SKIC3: variants seen among roughly 807,000 people sequenced by gnomAD.
SKIC3 encodes the protein superkiller complex protein 3.
At chr5:95,504,017 C>T in the SKIC3 span, 1 of 1,496,894 alleles carries the variant, frequency 6.7e-7, no homozygotes, top group Non-Finnish European at 9.0e-7. Context: ...GATATAATTA[C>T]ACTAAGTTGG....
chr5:95,525,749 C>A, the SKIC3 span: 1 of 1,374,224 alleles, frequency 7.3e-7, no homozygotes, highest in East Asian at 2.3e-5. Context: ...AATTAACGAA[C>A]GAACACAGAA....
chr5:95,497,362 T>C, the SKIC3 span: 5 of 1,376,666 alleles, frequency 3.6e-6, no homozygotes, highest in Non-Finnish European at 5.1e-6. Context: ...TTATCATATT[T>C]ACCATATCAC....
the SKIC3 span, among the ~76,000 whole-genome samples, chr5:95,478,907 A>G: frequency 6.6e-6 from 1 of 152,140 alleles, no homozygotes; most frequent in Non-Finnish European, 1.5e-5. Context: ...AGCAAACACC[A>G]TACTTAGTAA....
the SKIC3 span, chr5:95,523,524 G>T: frequency 8.0e-7 from 1 of 1,252,918 alleles, no homozygotes; most frequent in Non-Finnish European, 1.1e-6. Flanking sequence ...CACTTACAGA[G>T]GCAAAAATAT....
the SKIC3 span, among the ~76,000 whole-genome samples, chr5:95,497,784 A>G: frequency 6.6e-6 from 1 of 152,216 alleles, no homozygotes; most frequent in Non-Finnish European, 1.5e-5. Context: ...AAAGAGATTA[A>G]AAATTATAGG....
the SKIC3 span, among the ~76,000 whole-genome samples, chr5:95,500,368 T>G: frequency 6.6e-6 from 1 of 152,320 alleles, no homozygotes; most frequent in East Asian, 1.9e-4. Context: ...ACAATGTCAT[T>G]ATGCTCTTCT....
chr5:95,528,447 G>C, the SKIC3 span, among the ~76,000 whole-genome samples: 1 of 152,064 alleles, frequency 6.6e-6, no homozygotes, highest in Non-Finnish European at 1.5e-5. Flanking sequence ...AACAATAAAG[G>C]TTAGCCCACA....
the SKIC3 span, chr5:95,543,261 G>T: frequency 4.3e-6 from 7 of 1,613,866 alleles, no homozygotes; most frequent in Non-Finnish European, 5.1e-6. Context: ...GGTTGTTCTA[G>T]TTCAGCTGCA....
At chr5:95,535,796 T>C in the SKIC3 span, among the ~76,000 whole-genome samples, 1 of 152,188 alleles carries the variant, frequency 6.6e-6, no homozygotes, top group Non-Finnish European at 1.5e-5. Context: ...GTGAGGGTCA[T>C]TCACATACAA....
chr5:95,517,273 C>T, the SKIC3 span: 1 of 1,613,274 alleles, frequency 6.2e-7, no homozygotes. Context: ...GTACAAGCAT[C>T]CCCAGCTAGC....
chr5:95,538,482 C>CATGAACAA, the SKIC3 span, among the ~76,000 whole-genome samples: 2 of 152,060 alleles, frequency 1.3e-5, no homozygotes, highest in South Asian at 4.1e-4. Flanking sequence ...CAAATGAACA[C>CATGAACAA]ATGAACAAAT....
At chr5:95,539,708 G>A in the SKIC3 span, among the ~76,000 whole-genome samples, 26 of 152,204 alleles carry the variant, frequency 1.7e-4, no homozygotes, top group Non-Finnish European at 3.7e-4. Context: ...GCCAGGCATC[G>A]TGGCACATGC....
At chr5:95,465,268 TTTTG>T in the SKIC3 span, among the ~76,000 whole-genome samples, 116 of 152,100 alleles carry the variant, frequency 7.6e-4, no homozygotes, top group Non-Finnish European at 1.3e-3. Context: ...AAATTAAAGG[TTTTG>T]TTTGTTGGCT....
the SKIC3 span, among the ~76,000 whole-genome samples, chr5:95,487,388 A>C: frequency 2.6e-5 from 4 of 152,252 alleles, no homozygotes; most frequent in South Asian, 8.3e-4. Context: ...AATCCATCTA[A>C]TAGAGGCACA....
chr5:95,478,756 C>A, the SKIC3 span, among the ~76,000 whole-genome samples: 1 of 151,874 alleles, frequency 6.6e-6, no homozygotes, highest in South Asian at 2.1e-4. Context: ...ACCACATTAA[C>A]AGAATAAAGA....
the SKIC3 span, chr5:95,521,907 G>C: frequency 1.5e-4 from 135 of 888,858 alleles, no homozygotes; most frequent in East Asian, 3.5e-3. Context: ...ATTTATATAA[G>C]CTATACTGTA....
At chr5:95,551,550 AAAAAGTAC>A in the SKIC3 span, among the ~76,000 whole-genome samples, 3 of 152,348 alleles carry the variant, frequency 2.0e-5, no homozygotes, top group Non-Finnish European at 2.9e-5. Flanking sequence ...AAAAAAGAAA[AAAAAGTAC>A]AAACTTGACT....
the SKIC3 span, chr5:95,530,055 A>T: frequency 6.2e-7 from 1 of 1,607,880 alleles, no homozygotes; most frequent in South Asian, 1.1e-5. Context: ...TAATAATTAT[A>T]CTTCACGTTA....
At chr5:95,466,273 G>C in the SKIC3 span, among the ~76,000 whole-genome samples, 5 of 152,300 alleles carry the variant, frequency 3.3e-5, no homozygotes, top group African/African-American at 1.2e-4. Context: ...ACTGTCACAT[G>C]TATTTTATAG....
Sources: gnomAD v4.1 joint callset for allele counts (sites outside exome capture counted in the v4.1 genomes callset) on GRCh38, gnomAD v4.1.1 for gene constraint, MANE v1.5 for transcripts, NCBI Gene and HGNC (gene_info 2026-07-23, HGNC 2026-07-21) for gene names.